The following FARS2 variants were observed in gnomAD, a reference collection of about 807,000 sequenced individuals.
FARS2 encodes phenylalanyl-tRNA synthetase 2, mitochondrial, also known as phenylalanine--tRNA ligase, mitochondrial.
Under a neutral mutation model 46.4 loss-of-function variants are expected in FARS2, and 40 were observed. The observed-to-expected ratio is 0.86, with a 90% CI of 0.67 to 1.12. FARS2 has a LOEUF of 1.12. FARS2 is among the 50% of genes most tolerant of loss of function. FARS2 has a pLI of 0.00. For missense variants in FARS2, 513 were observed against 567.9 expected, an observed-to-expected ratio of 0.90 and a Z score of 0.98; for synonymous variants, 234 against 214.9, an observed-to-expected ratio of 1.09 and a Z score of -0.78.
chr6:5,344,210 C>G (rs1410846294), intron 1 of FARS2, among the ~76,000 whole-genome samples: 1 of 152,020 alleles, frequency 6.6e-6, no homozygotes, highest in East Asian at 1.9e-4. Context: ...AGAGGTTGGC[C>G]GAGGCAAGGA....
intron 3 of FARS2, among the ~76,000 whole-genome samples, chr6:5,418,805 TG>T (rs979638006): frequency 2.0e-5 from 3 of 152,168 alleles, no homozygotes; most frequent in East Asian, 1.9e-4. Flanking sequence ...CTCACCCCTC[TG>T]GGGGGTCTGT....
At chr6:5,755,417 C>T (rs1054455377) in intron 6 of FARS2, among the ~76,000 whole-genome samples, 1 of 152,062 alleles carries the variant, frequency 6.6e-6, no homozygotes, top group Non-Finnish European at 1.5e-5. Flanking sequence ...TCAACTCCCA[C>T]TTATGAGTGA....
intron 1 of FARS2, among the ~76,000 whole-genome samples, chr6:5,361,187 A>G (rs1425361888): frequency 6.6e-6 from 1 of 152,188 alleles, no homozygotes; most frequent in Non-Finnish European, 1.5e-5. Flanking sequence ...CGTACATACA[A>G]TTTTATATCC....
chr6:5,465,442 A>G (rs1185604266), intron 4 of FARS2, among the ~76,000 whole-genome samples: 1 of 152,248 alleles, frequency 6.6e-6, no homozygotes, highest in African/African-American at 2.4e-5. Context: ...TTACTTGCGT[A>G]TTATAATTTA....
In FARS2 at chr6:5,371,885, AAAGACACACAT is replaced by A. The variant is rs559100289; in HGVS notation, c.612+2704_612+2714del. On this transcript the variant is annotated intron_variant, in intron 2 of 6. Coordinates refer to ENST00000274680, the MANE Select transcript of FARS2 (RefSeq NM_006567.5). ...TGAATTTAAATGGGTTAAACTTACT[AAAGACACACAT>A]TATCAGATTGGATATTTTTCAGTTA... Among the ~76,000 whole-genome samples the A allele has an allele frequency of 2.4e-3, 363 of 152,258 alleles. 2 individuals carry two copies. Among genetic ancestry groups the A allele is most frequent in the African/African-American group, 8.4e-3 (350 of 41,568 alleles).
chr6:5,551,348 T>C (rs1360869923), intron 5 of FARS2, among the ~76,000 whole-genome samples: 1 of 152,214 alleles, frequency 6.6e-6, no homozygotes, highest in Non-Finnish European at 1.5e-5. Context: ...TTATGAATAT[T>C]TGGATATTCT....
In FARS2 at chr6:5,384,147, T is replaced by C. The variant is rs374370426; in HGVS notation, c.612+14965T>C. Among the ~76,000 whole-genome samples, 4 of 152,186 alleles carry C rather than the reference T, an allele frequency of 2.6e-5. No individual in the cohort carries two copies. The East Asian group carries it at 5.8e-4, about 22-fold the overall frequency. ...GCCTTGACACATGGAGATATTTAAT[T>C]TCCATGTAATTTGTGTGCAGCTTCC... is the stretch of plus-strand genomic sequence containing the variant. On this transcript the variant is annotated intron_variant, in intron 2 of 6. Transcript: ENST00000274680.
At chr6:5,466,515 G>A in intron 4 of FARS2, 1 of 983,960 alleles carries the variant, frequency 1.0e-6, no homozygotes, top group South Asian at 4.7e-5. Context: ...AAGGAAATAT[G>A]TTGTATACCT....
At chr6:5,514,869 G>C (rs924148978) in intron 4 of FARS2, among the ~76,000 whole-genome samples, 2 of 151,740 alleles carry the variant, frequency 1.3e-5, no homozygotes, top group Non-Finnish European at 2.9e-5. Flanking sequence ...CTGGGCTCAA[G>C]TGATCATCTT....
intron 4 of FARS2, among the ~76,000 whole-genome samples, chr6:5,497,896 T>C (rs1391829327): frequency 6.6e-6 from 1 of 152,232 alleles, no homozygotes; most frequent in African/African-American, 2.4e-5. Context: ...CTGTTTTACA[T>C]TATCATTCAT....
intron 6 of FARS2, among the ~76,000 whole-genome samples, chr6:5,646,345 C>G (rs547393386): frequency 6.6e-6 from 1 of 152,252 alleles, no homozygotes; most frequent in Admixed American, 6.5e-5. Flanking sequence ...TTCTGACGAA[C>G]GAGCTGTGGT....
chr6:5,399,431 C>T (rs1242357532), intron 2 of FARS2, among the ~76,000 whole-genome samples: 1 of 152,046 alleles, frequency 6.6e-6, no homozygotes, highest in South Asian at 2.1e-4. Context: ...CTGCCTTGGC[C>T]TCCCAAAGTG....
At chr6:5,644,365 A>G (rs892400783) in intron 6 of FARS2, among the ~76,000 whole-genome samples, 3 of 152,050 alleles carry the variant, frequency 2.0e-5, no homozygotes, top group Non-Finnish European at 2.9e-5. Context: ...GGTGCGCACC[A>G]CCACGCCTGG....
chr6:5,616,920 T>C (rs1775506337), intron 6 of FARS2, among the ~76,000 whole-genome samples: 1 of 151,686 alleles, frequency 6.6e-6, no homozygotes. Flanking sequence ...CCTAGGAAGC[T>C]GAGAGAAATT....
chr6:5,373,429 G>A lies in FARS2; in HGVS notation c.612+4247G>A, dbSNP rs954736675. 2.6e-5 allele frequency among the ~76,000 whole-genome samples: 4 copies of A among 152,220 alleles called. No homozygotes were observed. The East Asian group carries it at 7.7e-4, about 29-fold the overall frequency. On this transcript the variant is annotated intron_variant, in intron 2 of 6. Coordinates refer to ENST00000274680, the MANE Select transcript of FARS2 (RefSeq NM_006567.5). ...GTCTCCCCCAAAATGTTGGACTTGA[G>A]TCTGATTAATTCTCTAGACCCAACT... is the stretch of plus-strand genomic sequence containing the variant.
intron 5 of FARS2, among the ~76,000 whole-genome samples, chr6:5,559,079 A>C (rs7739252): frequency 0.21 from 32,026 of 152,016 alleles, 4,165 homozygotes; most frequent in East Asian, 0.35. Context: ...CCTCTGTCAA[A>C]TCCTAGGATT....
intron 6 of FARS2, among the ~76,000 whole-genome samples, chr6:5,616,947 T>TG (rs1374457265): frequency 6.6e-6 from 1 of 150,932 alleles, no homozygotes; most frequent in African/African-American, 2.4e-5. Flanking sequence ...GTGCTGGATG[T>TG]GGGGGGTAGA....
chr6:5,384,586 T>A (rs1362520041), intron 2 of FARS2, among the ~76,000 whole-genome samples: 1 of 152,190 alleles, frequency 6.6e-6, no homozygotes, highest in Non-Finnish European at 1.5e-5. Context: ...GTGTTCAACT[T>A]GAGTTTTCTG....
intron 4 of FARS2, among the ~76,000 whole-genome samples, chr6:5,440,674 C>G (rs1763791438): frequency 6.6e-6 from 1 of 152,070 alleles, no homozygotes; most frequent in Non-Finnish European, 1.5e-5. Flanking sequence ...AAAATGTATA[C>G]TGGTGTTTTG....
Sources: gnomAD v4.1 joint callset for allele counts (sites outside exome capture counted in the v4.1 genomes callset) on GRCh38, gnomAD v4.1.1 for gene constraint, MANE v1.5 for transcripts, NCBI Gene and HGNC (gene_info 2026-07-23, HGNC 2026-07-21) for gene names.